KANK1: variants seen among roughly 807,000 people sequenced by gnomAD.
KANK1 encodes KN motif and ankyrin repeat domains 1.
KANK1 carries 109 observed loss-of-function variants against 106.2 expected under a neutral mutation model. The ratio of observed to expected loss-of-function variants is 1.03; its 90% CI spans 0.88 to 1.20. The LOEUF (loss-of-function observed/expected upper bound fraction) is 1.20. Among genes scored for constraint, KANK1 ranks in the 50% most tolerant of loss-of-function variants. The pLI, the probability that KANK1 is intolerant of heterozygous loss-of-function variation, is 0.00. For synonymous variants in KANK1, 873 were observed against 652.2 expected (o/e 1.34, Z -5.16); for missense variants, 2,399 against 1,710.7 (o/e 1.40, Z -7.10).
At chr9:661,037 A>G (rs1300837305) in intron 1 of KANK1, among the ~76,000 whole-genome samples, 4 of 152,194 alleles carry the variant, frequency 2.6e-5, no homozygotes, top group Non-Finnish European at 5.9e-5. Flanking sequence ...CTTAATGGCA[A>G]CAGCTGTCCA....
intron 3 of KANK1, among the ~76,000 whole-genome samples, chr9:476,436 G>T (rs1172567439): frequency 2.0e-5 from 3 of 151,498 alleles, no homozygotes; most frequent in East Asian, 2.0e-4. Flanking sequence ...CAAGAGAATC[G>T]CTTGAACCCG....
At chr9:525,377 G>T (rs887534683) in intron 1 of KANK1, among the ~76,000 whole-genome samples, 1 of 150,962 alleles carries the variant, frequency 6.6e-6, no homozygotes, top group African/African-American at 2.5e-5. Flanking sequence ...GTGTGTGTGT[G>T]TGTGTGTATT....
In KANK1 at chr9:720,143, G is replaced by A. The variant is rs564850538; in HGVS notation, c.2698+6679G>A. Among the ~76,000 whole-genome samples the A allele has an allele frequency of 1.6e-4, 24 of 152,268 alleles. No individual in the cohort carries two copies. In the East Asian group the frequency reaches 3.9e-3, roughly 24 times the overall value. On this transcript the variant is annotated intron_variant, in intron 3 of 11. Transcript: ENST00000382297. ...TAGTGATCACTAATCTGACCAAGTC[G>A]TAAAATGAGGCTCATGCTTTATTGG...
intron 2 of KANK1, among the ~76,000 whole-genome samples, chr9:703,711 A>T (rs988950412): frequency 2.6e-5 from 4 of 151,274 alleles, no homozygotes; most frequent in East Asian, 1.9e-4. Flanking sequence ...TTTTTTTTTT[A>T]AACTGCTCTT....
intron 1 of KANK1, among the ~76,000 whole-genome samples, chr9:511,280 G>C (rs2059017803): frequency 6.6e-6 from 1 of 152,182 alleles, no homozygotes; most frequent in Non-Finnish European, 1.5e-5. Flanking sequence ...TAATACCATG[G>C]TCAGTCATAG....
At chr9:619,850 G>C (rs576110271) in intron 1 of KANK1, among the ~76,000 whole-genome samples, 1 of 152,018 alleles carries the variant, frequency 6.6e-6, no homozygotes, top group Non-Finnish European at 1.5e-5. Context: ...AAATTCTTTC[G>C]TTGTGGCTGG....
At chr9:695,429 C>G (rs1820999207) in intron 2 of KANK1, among the ~76,000 whole-genome samples, 1 of 151,256 alleles carries the variant, frequency 6.6e-6, no homozygotes, top group Non-Finnish European at 1.5e-5. Context: ...TCCCCCTTAT[C>G]TAACTGGTAC....
intron 1 of KANK1, among the ~76,000 whole-genome samples, chr9:617,920 A>G (rs1009647053): frequency 1.3e-5 from 2 of 152,174 alleles, no homozygotes; most frequent in African/African-American, 4.8e-5. Context: ...GGCAGAATGG[A>G]GGATGACATG....
At chr9:741,487 C>CTTTT (rs71314737) in intron 9 of KANK1, among the ~76,000 whole-genome samples, 65 of 109,560 alleles carry the variant, frequency 5.9e-4, no homozygotes, top group African/African-American at 2.0e-3. Flanking sequence ...CCACACCTGG[C>CTTTT]TTTTTTTTTT....
At chr9:535,172 T>C (rs150187745) in intron 1 of KANK1, among the ~76,000 whole-genome samples, 6 of 152,314 alleles carry the variant, frequency 3.9e-5, no homozygotes, top group Non-Finnish European at 8.8e-5. Context: ...CCTTTTTTTC[T>C]TTCTCTGTTG....
intron 2 of KANK1, among the ~76,000 whole-genome samples, chr9:683,038 G>C (rs1019289436): frequency 6.6e-6 from 1 of 152,146 alleles, no homozygotes; most frequent in Non-Finnish European, 1.5e-5. Flanking sequence ...GCAGTGACTG[G>C]TCTGGCTAGA....
At chr9:688,089 G>A (rs1236344888) in intron 2 of KANK1, among the ~76,000 whole-genome samples, 1 of 152,182 alleles carries the variant, frequency 6.6e-6, no homozygotes. Context: ...CCTGCCAGTT[G>A]CCAATCTGAT....
intron 1 of KANK1, among the ~76,000 whole-genome samples, chr9:547,156 A>G (rs2060982523): frequency 6.6e-6 from 1 of 152,188 alleles, no homozygotes; most frequent in African/African-American, 2.4e-5. Flanking sequence ...AGAGTCCCTT[A>G]GACATGCTGG....
chr9:534,271 A>G (rs1479762462), intron 1 of KANK1, among the ~76,000 whole-genome samples: 2 of 152,220 alleles, frequency 1.3e-5, no homozygotes, highest in East Asian at 3.8e-4. Flanking sequence ...GAACAATGGA[A>G]TTGTTAGAAG....
At chr9:497,868 C>T (rs1294958827) in intron 3 of KANK1, among the ~76,000 whole-genome samples, 4 of 151,946 alleles carry the variant, frequency 2.6e-5, no homozygotes, top group African/African-American at 9.7e-5. Context: ...CCCACACACA[C>T]ACACCCACAC....
chr9:588,849 A>G (rs1824160099), intron 1 of KANK1, among the ~76,000 whole-genome samples: 1 of 152,216 alleles, frequency 6.6e-6, no homozygotes, highest in Non-Finnish European at 1.5e-5. Flanking sequence ...ACTTTAGAAC[A>G]GTGCCTGACT....
Position 652,093 on chromosome 9 carries a change from T to G in KANK1, c.-83-24797T>G, listed in dbSNP as rs369663229. On this transcript the variant is annotated intron_variant, in intron 1 of 11. Transcript: ENST00000382297. ...CAACCTGACATTATCCATTAGAATG[T>G]GTAGGCCCTATTTTCTTCATCTCAC... Among the ~76,000 whole-genome samples the G allele has an allele frequency of 5.9e-5, 9 of 152,320 alleles. No homozygotes were observed. The East Asian group carries it at 1.7e-3, about 29-fold the overall frequency.
chr9:689,801 C>T (rs1484451336), intron 2 of KANK1, among the ~76,000 whole-genome samples: 4 of 152,100 alleles, frequency 2.6e-5, no homozygotes, highest in Admixed American at 2.6e-4. Context: ...TCCAATATAA[C>T]AGAAATAACC....
In KANK1 at chr9:735,559, T is replaced by C. The variant is rs149695046; in HGVS notation, c.3333+724T>C. Among the ~76,000 whole-genome samples the C allele has an allele frequency of 1.4e-4, 21 of 152,320 alleles. No homozygotes were observed. In the East Asian group the frequency reaches 4.0e-3, roughly 29 times the overall value. ...GACAGCTGTCTTTTTTATTAGTGCA[T>C]TGAGAAAATGTAGGATCCCCTAAGG... On this transcript the variant is annotated intron_variant, in intron 7 of 11. Coordinates refer to ENST00000382297, the MANE Select transcript of KANK1 (RefSeq NM_015158.5).
Sources: allele counts gnomAD v4.1 joint callset (sites outside exome capture counted in the v4.1 genomes callset), GRCh38; gene constraint gnomAD v4.1.1; transcripts MANE v1.5; gene names NCBI Gene and HGNC (gene_info 2026-07-23, HGNC 2026-07-21).